BTBD9: variants seen among roughly 807,000 people sequenced by gnomAD.
BTBD9 encodes BTB/POZ domain-containing protein 9.
In BTBD9, 49 loss-of-function variants were observed where a neutral mutation model predicts 64.3. The observed-to-expected ratio is 0.76, with a 90% CI of 0.61 to 0.97. The LOEUF (loss-of-function observed/expected upper bound fraction) is 0.97, where lower values mean the gene tolerates loss of function less well. Ranked by LOEUF, BTBD9 falls within the 50% of genes least tolerant of loss-of-function variation. BTBD9 has a pLI of 0.00. For synonymous variants in BTBD9, 260 were observed against 274.7 expected, an observed-to-expected ratio of 0.95 and a Z score of 0.53; for missense variants, 598 against 762.1, an observed-to-expected ratio of 0.78 and a Z score of 2.53.
At chr6:38,307,657 C>T (rs537741742) in intron 7 of BTBD9, among the ~76,000 whole-genome samples, 2 of 152,140 alleles carry the variant, frequency 1.3e-5, no homozygotes, top group Non-Finnish European at 2.9e-5. Flanking sequence ...AGCATTAATC[C>T]AGTATTCTGA....
At chr6:38,438,180 G>T (rs1768827883) in intron 6 of BTBD9, among the ~76,000 whole-genome samples, 1 of 135,572 alleles carries the variant, frequency 7.4e-6, no homozygotes, top group African/African-American at 2.8e-5. Flanking sequence ...AAAAAGGAAG[G>T]AAGGAAGGAG....
chr6:38,450,289 T>C (rs1218924485), intron 6 of BTBD9, among the ~76,000 whole-genome samples: 1 of 152,138 alleles, frequency 6.6e-6, no homozygotes, highest in African/African-American at 2.4e-5. Context: ...GATGGGGAAA[T>C]GCTAGTCAAA....
At chr6:38,177,456 C>T (rs1295708608) in intron 10 of BTBD9, among the ~76,000 whole-genome samples, 1 of 152,176 alleles carries the variant, frequency 6.6e-6, no homozygotes, top group African/African-American at 2.4e-5. Flanking sequence ...AAGGCTTAGT[C>T]GTCCTTCTAC....
chr6:38,478,864 T>C (rs937348257), intron 6 of BTBD9, among the ~76,000 whole-genome samples: 15 of 152,208 alleles, frequency 9.9e-5, no homozygotes, highest in African/African-American at 3.6e-4. Context: ...TAAAATTCCA[T>C]TTCACTTTTA....
intron 9 of BTBD9, among the ~76,000 whole-genome samples, chr6:38,254,828 T>C (rs1764520871): frequency 6.6e-6 from 1 of 152,286 alleles, no homozygotes; most frequent in African/African-American, 2.4e-5. Context: ...TGTAAAATGG[T>C]GCAGCTGCTG....
intron 8 of BTBD9, among the ~76,000 whole-genome samples, chr6:38,274,137 AG>A (rs1765291415): frequency 1.3e-5 from 2 of 152,208 alleles, no homozygotes; most frequent in Non-Finnish European, 2.9e-5. Context: ...TTCTCTTTGA[AG>A]CAATTGTGAA....
intron 6 of BTBD9, among the ~76,000 whole-genome samples, chr6:38,440,661 G>C (rs1002315755): frequency 6.6e-6 from 1 of 152,162 alleles, no homozygotes; most frequent in African/African-American, 2.4e-5. Context: ...TAAATGTTTA[G>C]TGTATATTAT....
At position 38,592,623 on chromosome 6, in the gene BTBD9, ACTTT is replaced by A; in HGVS notation, c.763_766del (p.Lys255CysfsTer25). 6.2e-7 allele frequency: 1 copy of A among 1,614,070 alleles called. No homozygotes were observed. The highest frequency in any genetic ancestry group is 8.5e-7 in the Non-Finnish European group (1 of 1,180,000). On this transcript the variant is annotated frameshift_variant, in exon 4 of 11. Transcript: ENST00000481247. LOFTEE classifies it high-confidence loss of function. ...GTCCATATCCCGGCTCTCAGATCGC[ACTTT>A]AATGGCATCCAGGATGGCATCAGGA...
chr6:38,401,467 T>G (rs549560548), intron 6 of BTBD9, among the ~76,000 whole-genome samples: 13 of 152,354 alleles, frequency 8.5e-5, no homozygotes, highest in African/African-American at 3.1e-4. Flanking sequence ...TTTTGTTTAC[T>G]ATGTTTGCCT....
intron 7 of BTBD9, among the ~76,000 whole-genome samples, chr6:38,291,078 G>A (rs114887644): frequency 6.6e-6 from 1 of 152,116 alleles, no homozygotes; most frequent in Non-Finnish European, 1.5e-5. Flanking sequence ...AGGAATACTT[G>A]AGATTTCTAT....
At position 38,507,080 on chromosome 6, in the gene BTBD9, C is replaced by T. The variant is rs1484610584; in HGVS notation, c.1154+70520G>A. On this transcript the variant is annotated intron_variant, in intron 6 of 10. Coordinates refer to ENST00000481247, the MANE Select transcript of BTBD9 (RefSeq NM_001099272.2). ...AGGCTCTTCTCACCTGTCTCCTTCACATCCTTCGGATCTCAGTTTAAAATA... is the reference window on the plus strand; with the variant it reads ...AGGCTCTTCTCACCTGTCTCCTTCATATCCTTCGGATCTCAGTTTAAAATA... Among the ~76,000 whole-genome samples the T allele has an allele frequency of 2.0e-5, 3 of 152,234 alleles. No homozygotes were observed. In the East Asian group the frequency reaches 5.8e-4, roughly 29 times the overall value.
chr6:38,435,708 G>A (rs1477047098), intron 6 of BTBD9, among the ~76,000 whole-genome samples: 2 of 143,688 alleles, frequency 1.4e-5, no homozygotes, highest in South Asian at 2.3e-4. Context: ...TCACTCTATC[G>A]CCCAGGCCGG....
intron 6 of BTBD9, among the ~76,000 whole-genome samples, chr6:38,373,765 C>T (rs1280403091): frequency 1.3e-5 from 2 of 152,026 alleles, no homozygotes; most frequent in South Asian, 2.1e-4. Flanking sequence ...TTGCCTCAAG[C>T]GAACCTCCTG....
intron 6 of BTBD9, among the ~76,000 whole-genome samples, chr6:38,561,303 T>C (rs1775251759): frequency 1.3e-5 from 2 of 150,206 alleles, no homozygotes; most frequent in African/African-American, 2.4e-5. Context: ...AAATAACAGA[T>C]GCTGGAGAGG....
intron 9 of BTBD9, among the ~76,000 whole-genome samples, chr6:38,256,141 G>GC (rs1764572159): frequency 6.6e-6 from 1 of 151,930 alleles, no homozygotes; most frequent in Admixed American, 6.6e-5. Flanking sequence ...CATAAGGAAA[G>GC]TTTTTTCGCT....
chr6:38,502,859 A>G (rs1341159071), intron 6 of BTBD9, among the ~76,000 whole-genome samples: 1 of 152,242 alleles, frequency 6.6e-6, no homozygotes, highest in South Asian at 2.1e-4. Flanking sequence ...CCATTATTCT[A>G]GGTGATCATG....
chr6:38,277,337 C>CTT (rs1187253487), intron 8 of BTBD9, among the ~76,000 whole-genome samples: 3 of 145,064 alleles, frequency 2.1e-5, no homozygotes, highest in Non-Finnish European at 3.0e-5. Flanking sequence ...ATTTACAGAA[C>CTT]TTTTTTTTTT....
intron 9 of BTBD9, among the ~76,000 whole-genome samples, chr6:38,249,248 ATCT>A (rs1463983426): frequency 6.6e-6 from 1 of 151,858 alleles, no homozygotes; most frequent in Non-Finnish European, 1.5e-5. Flanking sequence ...GCCATGAGTG[ATCT>A]TCTTTCTTTC....
intron 4 of BTBD9, among the ~76,000 whole-genome samples, chr6:38,586,324 TTCA>T (rs1776521837): frequency 6.6e-6 from 1 of 152,028 alleles, no homozygotes; most frequent in African/African-American, 2.4e-5. Flanking sequence ...TAGAAAAATG[TTCA>T]TCATTATATA....
Sources: gnomAD v4.1 joint callset for allele counts (sites outside exome capture counted in the v4.1 genomes callset) on GRCh38, gnomAD v4.1.1 for gene constraint, MANE v1.5 for transcripts, NCBI Gene and HGNC (gene_info 2026-07-23, HGNC 2026-07-21) for gene names.